The following KIF26B variants were observed in gnomAD, a reference collection of about 807,000 sequenced individuals.
The protein encoded by KIF26B is kinesin-like protein KIF26B.
KIF26B carries 63 observed loss-of-function variants against 151.2 expected under a neutral mutation model. The ratio of observed to expected loss-of-function variants is 0.42; its 90% CI spans 0.34 to 0.51. KIF26B has a LOEUF of 0.51. KIF26B is among the 20% of genes least tolerant of loss of function. The probability of loss-of-function intolerance (pLI) is 0.07; values close to 1 mark genes in which losing one functional copy is unlikely to be tolerated. For missense variants in KIF26B, 2,813 were observed against 2,913.6 expected (o/e 0.97, Z 0.79); for synonymous variants, 1,357 against 1,262.1 (o/e 1.08, Z -1.59).
rs186485063 is a variant in KIF26B at position 245,320,449 on chromosome 1, A to T, written c.466-46385A>T. 2.0e-5 allele frequency among the ~76,000 whole-genome samples: 3 copies of T among 152,266 alleles called. No individual in the cohort carries two copies. In the East Asian group the frequency reaches 5.8e-4, roughly 29 times the overall value. ...TGCCTTAGTGTGCTACGTTTGTTTC[A>T]ACTGATGACCCAATATTGATACGTT... On this transcript the variant is annotated intron_variant, in intron 2 of 14. Coordinates refer to ENST00000407071, the MANE Select transcript of KIF26B (RefSeq NM_018012.4).
intron 2 of KIF26B, among the ~76,000 whole-genome samples, chr1:245,188,321 A>T (rs1669036981): frequency 6.6e-6 from 1 of 150,886 alleles, no homozygotes; most frequent in Non-Finnish European, 1.5e-5. Context: ...TTCAAGACAC[A>T]GTAGAACAGG....
In KIF26B at chr1:245,187,001, C is replaced by T. The variant is rs552619301; in HGVS notation, c.465+30318C>T. On this transcript the variant is annotated intron_variant, in intron 2 of 14. Transcript: ENST00000407071. ...CTTCCAGAGTAGCTGGGACTACAGG[C>T]GCGCACCACCACGCTCAGCTAATTT... 1.1e-3 allele frequency among the ~76,000 whole-genome samples: 160 copies of T among 152,034 alleles called. 1 individual carries two copies. Among genetic ancestry groups the T allele is most frequent in the South Asian group, 8.3e-3 (40 of 4,796 alleles).
rs1333083215 is a variant in KIF26B, at chr1:245,244,459, T to C, written c.465+87776T>C. Among the ~76,000 whole-genome samples, 1 of 152,150 alleles carries C rather than the reference T, an allele frequency of 6.6e-6. No individual in the cohort carries two copies. Among genetic ancestry groups the C allele is most frequent in the Non-Finnish European group, 1.5e-5 (1 of 68,026 alleles). On this transcript the variant is annotated intron_variant, in intron 2 of 14. Transcript: ENST00000407071. This position sits in a 1 kb window ranked among gnomAD's most constrained non-coding sequence, Gnocchi z 4.2. The stretch of plus-strand genomic sequence containing the variant: ...TTTTGCTTTTAAAGTTCTGTGACTA[T>C]GGGATGGCACTCTAAGCTTCAGCTG...
At chr1:245,347,874 T>C (rs1342464492) in intron 2 of KIF26B, among the ~76,000 whole-genome samples, 1 of 152,264 alleles carries the variant, frequency 6.6e-6, no homozygotes, top group African/African-American at 2.4e-5. Flanking sequence ...GCACCTACTA[T>C]GTGCCAGTTA....
chr1:245,670,394 G>A (rs1410675117), intron 10 of KIF26B, among the ~76,000 whole-genome samples: 1 of 151,308 alleles, frequency 6.6e-6, no homozygotes, highest in Non-Finnish European at 1.5e-5. Flanking sequence ...GAGAAATAAA[G>A]CTGTGTAAGT....
intron 2 of KIF26B, among the ~76,000 whole-genome samples, chr1:245,220,156 G>T (rs58551656): frequency 0.042 from 6,469 of 152,274 alleles, 411 homozygotes; most frequent in East Asian, 0.31. Flanking sequence ...TTTGGGGGGT[G>T]TGGGAACAGA....
intron 3 of KIF26B, among the ~76,000 whole-genome samples, chr1:245,380,221 T>G (rs1673375355): frequency 6.6e-6 from 1 of 152,218 alleles, no homozygotes; most frequent in East Asian, 1.9e-4. Context: ...AGTCCATTTC[T>G]GCAGCACCAC....
intron 5 of KIF26B, among the ~76,000 whole-genome samples, chr1:245,550,687 G>C (rs867731650): frequency 5.9e-5 from 9 of 152,230 alleles, no homozygotes; most frequent in South Asian, 2.1e-4. Context: ...TGCTGGAAAA[G>C]TGGCGTGTTA....
chr1:245,195,924 A>G (rs1669184900), intron 2 of KIF26B, among the ~76,000 whole-genome samples: 1 of 152,188 alleles, frequency 6.6e-6, no homozygotes, highest in Non-Finnish European at 1.5e-5. Context: ...TAGATGGGTA[A>G]GATTTTGATG....
intron 2 of KIF26B, among the ~76,000 whole-genome samples, chr1:245,187,252 A>G (rs1669015948): frequency 6.6e-6 from 1 of 152,246 alleles, no homozygotes; most frequent in Non-Finnish European, 1.5e-5. Flanking sequence ...GGAACAAGTC[A>G]GACACAAAAA....
intron 2 of KIF26B, among the ~76,000 whole-genome samples, chr1:245,245,071 C>T (rs1024428071): frequency 5.3e-5 from 8 of 152,064 alleles, no homozygotes; most frequent in African/African-American, 1.9e-4. Context: ...GCCTGTGAGC[C>T]TCGGTGGGCT....
chr1:245,293,735 T>C (rs1671292924), intron 2 of KIF26B, among the ~76,000 whole-genome samples: 1 of 152,046 alleles, frequency 6.6e-6, no homozygotes, highest in African/African-American at 2.4e-5. Flanking sequence ...TGTGCCACCA[T>C]GCCCGGCTAA....
intron 2 of KIF26B, among the ~76,000 whole-genome samples, chr1:245,173,944 C>T (rs1223402231): frequency 6.6e-6 from 1 of 152,124 alleles, no homozygotes; most frequent in African/African-American, 2.4e-5. Flanking sequence ...TGCCTGTGGT[C>T]GTTAGAAAAG....
At chr1:245,213,997 A>T (rs1474486040) in intron 2 of KIF26B, among the ~76,000 whole-genome samples, 2 of 152,220 alleles carry the variant, frequency 1.3e-5, no homozygotes, top group African/African-American at 4.8e-5. Flanking sequence ...TTAGCAGGGA[A>T]ATCTGTTTCA....
chr1:245,316,539 T>C (rs1257548479), intron 2 of KIF26B, among the ~76,000 whole-genome samples: 2 of 151,600 alleles, frequency 1.3e-5, no homozygotes, highest in Non-Finnish European at 2.9e-5. Flanking sequence ...TGATTTTCAA[T>C]TTTTTTTTAA....
At chr1:245,210,507 G>C (rs1392831307) in intron 2 of KIF26B, among the ~76,000 whole-genome samples, 2 of 24,636 alleles carry the variant, frequency 8.1e-5, no homozygotes, top group African/African-American at 2.1e-4. Context: ...AATATCCTAA[G>C]CTTTTTTTTT....
chr1:245,404,277 G>A (rs1674081155), intron 3 of KIF26B, among the ~76,000 whole-genome samples: 1 of 151,024 alleles, frequency 6.6e-6, no homozygotes. Flanking sequence ...TTTCAAATGT[G>A]TATGAAAGAC....
At chr1:245,155,896 C>T (rs1489075719) in intron 1 of KIF26B, among the ~76,000 whole-genome samples, 4 of 151,692 alleles carry the variant, frequency 2.6e-5, no homozygotes, top group Non-Finnish European at 5.9e-5. Flanking sequence ...TCACAGCCCT[C>T]CCCCTACCCC....
chr1:245,462,112 G>C (rs143677424), intron 4 of KIF26B, among the ~76,000 whole-genome samples: 1 of 152,042 alleles, frequency 6.6e-6, no homozygotes. Context: ...AATGGAGAGA[G>C]ACCCTGTCTC....
Sources: gnomAD v4.1 joint callset for allele counts (sites outside exome capture counted in the v4.1 genomes callset) on GRCh38, gnomAD v4.1.1 for gene constraint, Gnocchi (gnomAD v3.1) non-coding constraint, MANE v1.5 for transcripts, NCBI Gene and HGNC (gene_info 2026-07-23, HGNC 2026-07-21) for gene names.